Variants in SH2B2 observed in about 807,000 individuals in gnomAD.
The protein encoded by SH2B2 is SH2B adaptor protein 2, also known as SH2B adapter protein 2.
Under a neutral mutation model 35.7 loss-of-function variants are expected in SH2B2, and 37 were observed. That is an observed-to-expected ratio of 1.04 (90% confidence interval 0.80 to 1.36). The LOEUF (loss-of-function observed/expected upper bound fraction) is 1.36. Among genes scored for constraint, SH2B2 ranks in the 40% most tolerant of loss-of-function variants. The pLI is 0.00. For missense variants in SH2B2, 852 were observed against 817.7 expected (o/e 1.04, Z -0.51); for synonymous variants, 383 against 376.4 (o/e 1.02, Z -0.20).
At chr7:102,293,830 CA>C (rs1554552179) in intron 1 of SH2B2, among the ~76,000 whole-genome samples, 2 of 152,226 alleles carry the variant, frequency 1.3e-5, no homozygotes, top group African/African-American at 4.8e-5. Context: ...CACCAAGAGA[CA>C]CAGGGCCCGG....
At chr7:102,296,073 C>G (rs1368438500) in intron 1 of SH2B2, among the ~76,000 whole-genome samples, 1 of 152,198 alleles carries the variant, frequency 6.6e-6, no homozygotes, top group Non-Finnish European at 1.5e-5. Context: ...TCCTAGGAGA[C>G]CGCTGGTTTG....
Position 102,313,056 on chromosome 7 carries a change from G to A in SH2B2, c.924-1280G>A, listed in dbSNP as rs1365181157. Among the ~76,000 whole-genome samples, 6 of 151,172 alleles carry A rather than the reference G, an allele frequency of 4.0e-5. No individual in the cohort carries two copies. The South Asian group carries it at 1.0e-3, about 26-fold the overall frequency. On this transcript the variant is annotated intron_variant, in intron 4 of 8. Coordinates refer to ENST00000444095, the MANE Select transcript of SH2B2 (RefSeq NM_001359228.2). ...AGGCAGGAGAATTGCTTGAACCCCC[G>A]GGAGGCAGAGGTTGCAGTGAGCCAG...
intron 7 of SH2B2, among the ~76,000 whole-genome samples, chr7:102,319,105 C>T (rs917537244): frequency 2.6e-5 from 4 of 152,224 alleles, no homozygotes; most frequent in African/African-American, 9.6e-5. Context: ...CAGCCTCCAG[C>T]TTACATACCT....
At chr7:102,285,241 C>T, upstream of SH2B2, 2 of 1,550,642 alleles carry the variant, frequency 1.3e-6, no homozygotes, top group South Asian at 2.4e-5. Context: ...TGGAGTTCAG[C>T]CCACTACTCT....
chr7:102,301,537 CGTGTGT>C (rs139217859), intron 2 of SH2B2, among the ~76,000 whole-genome samples: 9 of 148,188 alleles, frequency 6.1e-5, no homozygotes, highest in East Asian at 5.9e-4. Flanking sequence ...TTTTTCTTTT[CGTGTGT>C]GTGTGTGTGT....
intron 1 of SH2B2, chr7:102,293,129 A>G (rs1224031836): frequency 7.2e-5 from 11 of 153,584 alleles, no homozygotes; most frequent in Admixed American, 5.9e-4. Context: ...AGTCCGACTC[A>G]TAAATATTTT....
intron 1 of SH2B2, among the ~76,000 whole-genome samples, chr7:102,294,239 G>C (rs1792814978): frequency 6.6e-6 from 1 of 152,154 alleles, no homozygotes. Context: ...TGTTGCCCAG[G>C]CTGCTCTCGA....
chr7:102,285,229 A>C (rs1554550647), upstream of SH2B2: 2 of 1,551,148 alleles, frequency 1.3e-6, no homozygotes, highest in East Asian at 4.9e-5. Flanking sequence ...TCATCCCAGC[A>C]GTGGAGTTCA....
chr7:102,299,982 A>G (rs1296071788), intron 1 of SH2B2, among the ~76,000 whole-genome samples: 8 of 152,120 alleles, frequency 5.3e-5, no homozygotes, highest in Non-Finnish European at 2.9e-5. Flanking sequence ...CAGTGGCGCA[A>G]TCTCGGCTCA....
At chr7:102,320,194 ATGTGTGAGGGGCCCCCGG>A in intron 7 of SH2B2, 119 bp from the exon 8 acceptor site, 1 of 659,836 alleles carries the variant, frequency 1.5e-6, no homozygotes, top group East Asian at 2.7e-5. Context: ...GATGGGGCTC[ATGTGTGAGGGGCCCCCGG>A]CCCTGACACA....
intron 7 of SH2B2, among the ~76,000 whole-genome samples, chr7:102,318,983 C>CAAG (rs1407500124): frequency 2.0e-5 from 3 of 152,168 alleles, no homozygotes; most frequent in Non-Finnish European, 4.4e-5. Flanking sequence ...CTTCCTGGAA[C>CAAG]AAGACCCAGC....
intron 2 of SH2B2, among the ~76,000 whole-genome samples, chr7:102,304,193 T>C (rs1045364117): frequency 6.6e-6 from 1 of 152,176 alleles, no homozygotes; most frequent in Non-Finnish European, 1.5e-5. Context: ...AGATGCACCC[T>C]TGGAGCAGTC....
rs1554553838 is a variant in SH2B2 at position 102,301,274 on chromosome 7, C to T, written c.724C>T (p.Pro242Ser). ...ERFRLEFFVP[P>S]KASRPKVSIP... ...CTTCCGCCTGGAGTTCTTCGTGCCG[C>T]CCAAAGTGAGTTACCCCATAATCCC... The change falls in exon 2 of 9, where the codon CCC (proline) becomes TCC (serine). Residue 242 changes from proline (P) to serine (S), a missense_variant. Physicochemically the swap from Pro to Ser is moderately conservative, Grantham distance 74 (BLOSUM62 -1). Coordinates refer to ENST00000444095, the MANE Select transcript of SH2B2 (RefSeq NM_001359228.2). 3 of 1,603,254 alleles carry T rather than the reference C, an allele frequency of 1.9e-6. No individual in the cohort carries two copies. Among genetic ancestry groups the T allele is most frequent in the African/African-American group, 2.7e-5 (2 of 73,966 alleles).
intron 1 of SH2B2, among the ~76,000 whole-genome samples, chr7:102,292,795 T>C (rs1007262542): frequency 2.6e-5 from 4 of 152,206 alleles, no homozygotes; most frequent in African/African-American, 7.2e-5. Flanking sequence ...GAACCCTTAG[T>C]TCTGACCGTC....
chr7:102,303,588 GCACC>G (rs1793278454), intron 2 of SH2B2, among the ~76,000 whole-genome samples: 1 of 152,122 alleles, frequency 6.6e-6, no homozygotes, highest in Admixed American at 6.5e-5. Flanking sequence ...CCAGGTCCCA[GCACC>G]CCTACACTTC....
intron 8 of SH2B2, 100 bp downstream of exon 8, chr7:102,320,602 G>C (rs1794019464): frequency 3.5e-6 from 5 of 1,445,304 alleles, no homozygotes; most frequent in Non-Finnish European, 4.6e-6. Context: ...CAGGTCTCCT[G>C]TCCCATAGCC....
rs4727520 is a variant in SH2B2 at position 102,305,412 on chromosome 7, C to T, written c.730-1309C>T. 5.1e-3 allele frequency among the ~76,000 whole-genome samples: 775 copies of T among 152,026 alleles called. 16 individuals carry two copies. The highest frequency in any genetic ancestry group is 0.045 in the East Asian group (231 of 5,162). On this transcript the variant is annotated intron_variant, in intron 2 of 8. Coordinates refer to ENST00000444095, the MANE Select transcript of SH2B2 (RefSeq NM_001359228.2). ...TCCCAAGTAGCTGGGATTACAGGCA[C>T]GCACCACCACGCCTGGCTAATTTTT... is the stretch of plus-strand genomic sequence containing the variant.
upstream of SH2B2, among the ~76,000 whole-genome samples, chr7:102,286,676 G>A (rs1287553920): frequency 6.6e-6 from 1 of 150,754 alleles, no homozygotes; most frequent in Non-Finnish European, 1.5e-5. Flanking sequence ...CACCGCAGCT[G>A]CGGGGAGCCA....
rs1554558481 is a variant in SH2B2, at chr7:102,321,356, C to T, written c.1625C>T (p.Pro542Leu). The T allele has an allele frequency of 9.0e-6, 13 of 1,437,740 alleles. No individual in the cohort carries two copies. The highest frequency in any genetic ancestry group is 1.1e-5 in the Non-Finnish European group (12 of 1,100,662). 89.1% of individuals were successfully genotyped at this position (1,437,740 alleles called of 1,614,324 possible). Reference protein sequence around the residue: ...PASPACWSDSPGQHYFSSLAA... With the variant: ...PASPACWSDSLGQHYFSSLAA... The stretch of plus-strand genomic sequence containing the variant: ...TCCCCGGCCTGCTGGAGCGACTCGC[C>T]CGGCCAGCACTACTTCTCCAGCCTC... Residue 542 changes from proline (P) to leucine (L), a missense_variant, in exon 9 of 9, where the codon CCC becomes CTC. By Grantham distance (98) the Pro-to-Leu change is moderately conservative. This residue lies in a region of SH2B2 where 556 missense variants were observed against 514.5 expected (regional missense o/e 1.08). Coordinates refer to ENST00000444095, the MANE Select transcript of SH2B2 (RefSeq NM_001359228.2).
Sources: allele counts gnomAD v4.1 joint callset (sites outside exome capture counted in the v4.1 genomes callset), GRCh38; gene constraint gnomAD v4.1.1; regional missense constraint gnomAD v4.1.1; transcripts MANE v1.5; gene names NCBI Gene and HGNC (gene_info 2026-07-23, HGNC 2026-07-21).